The following CTBP2 variants were observed in gnomAD, a reference collection of about 807,000 sequenced individuals.
The protein encoded by CTBP2 is C-terminal binding protein 2.
In CTBP2, 30 loss-of-function variants were observed where a neutral mutation model predicts 80.3. The observed-to-expected ratio is 0.37, with a 90% CI of 0.28 to 0.51. The LOEUF is 0.51. Among genes scored for constraint, CTBP2 ranks in the 20% least tolerant of loss-of-function variants. The probability of loss-of-function intolerance (pLI) is 0.93; values close to 1 mark genes in which losing one functional copy is unlikely to be tolerated. For synonymous variants in CTBP2, 594 were observed against 587.4 expected, an observed-to-expected ratio of 1.01 and a Z score of -0.16; for missense variants, 1,212 against 1,375.3, an observed-to-expected ratio of 0.88 and a Z score of 1.88.
At chr10:125,089,381 C>A (rs958793976) in intron 2 of CTBP2, among the ~76,000 whole-genome samples, 1 of 152,036 alleles carries the variant, frequency 6.6e-6, no homozygotes, top group Non-Finnish European at 1.5e-5. Flanking sequence ...GTGAAAGAGC[C>A]GACCAAACTG....
At chr10:124,997,736 C>T (rs1953823777) in intron 4 of CTBP2, 1 of 582,570 alleles carries the variant, frequency 1.7e-6, no homozygotes, top group Non-Finnish European at 3.1e-6. Context: ...ACACTACAGA[C>T]AGCAGTGGAC....
chr10:125,084,458 G>A (rs906499424), intron 2 of CTBP2, among the ~76,000 whole-genome samples: 1 of 152,176 alleles, frequency 6.6e-6, no homozygotes, highest in African/African-American at 2.4e-5. Flanking sequence ...CCCAGGAGGG[G>A]CTGGCCTCTA....
At chr10:125,023,968 A>C (rs1348150632) in intron 1 of CTBP2, among the ~76,000 whole-genome samples, 1 of 152,148 alleles carries the variant, frequency 6.6e-6, no homozygotes, top group African/African-American at 2.4e-5. Flanking sequence ...CACCAGAACG[A>C]AGATGCGTTC....
chr10:125,114,252 C>T (rs1329969273), intron 1 of CTBP2, among the ~76,000 whole-genome samples: 1 of 152,208 alleles, frequency 6.6e-6, no homozygotes, highest in African/African-American at 2.4e-5. Context: ...TCCAAGTTCA[C>T]GTGGCTGCTT....
intron 1 of CTBP2, among the ~76,000 whole-genome samples, chr10:125,143,381 G>C (rs2133296938): frequency 6.6e-6 from 1 of 152,272 alleles, no homozygotes; most frequent in South Asian, 2.1e-4. Context: ...AGGAGGCTGA[G>C]AAAGGAGAAC....
intron 2 of CTBP2, among the ~76,000 whole-genome samples, chr10:125,073,742 G>A (rs1845865885): frequency 6.6e-6 from 1 of 152,180 alleles, no homozygotes; most frequent in African/African-American, 2.4e-5. Flanking sequence ...ATTTCTCTTA[G>A]AACATAGTGA....
intron 1 of CTBP2, among the ~76,000 whole-genome samples, chr10:125,013,042 G>T (rs866570977): frequency 6.6e-6 from 1 of 152,160 alleles, no homozygotes; most frequent in Non-Finnish European, 1.5e-5. Context: ...CAGCAGCAAA[G>T]AATGCTATGA....
chr10:125,111,016 T>C (rs922953786), exon 2 of CTBP2: 3 of 152,664 alleles, frequency 2.0e-5, no homozygotes, highest in African/African-American at 4.8e-5. Flanking sequence ...ACAAACTCTA[T>C]AGTTCACACG....
chr10:125,063,748 A>T (rs1399888747), intron 2 of CTBP2, among the ~76,000 whole-genome samples: 3 of 152,222 alleles, frequency 2.0e-5, no homozygotes, highest in Admixed American at 6.5e-5. Flanking sequence ...AGTTTTGCGA[A>T]TTCATTCATG....
chr10:125,150,927 G>A (rs1243026201), intron 1 of CTBP2, among the ~76,000 whole-genome samples: 1 of 149,302 alleles, frequency 6.7e-6, no homozygotes, highest in Admixed American at 6.7e-5. Context: ...CCAGGAAAAG[G>A]CCAGACACCT....
chr10:124,989,327 T>C lies in CTBP2; in HGVS notation c.*191A>G, dbSNP rs1952263342. ...GTCGTTAATAAATCACATCCTAGTCTTTCAGCGCTTCCGTAAGCAGACGAC... is the reference window on the plus strand; with the variant it reads ...GTCGTTAATAAATCACATCCTAGTCCTTCAGCGCTTCCGTAAGCAGACGAC... On this transcript the variant is annotated 3_prime_UTR_variant, in exon 9 of 9. Transcript: ENST00000309035. 2 of 644,842 alleles carry C rather than the reference T, an allele frequency of 3.1e-6. No homozygotes were observed. The highest frequency in any genetic ancestry group is 3.7e-5 in the South Asian group (2 of 53,976). The allele number at this position is 644,842 out of a possible 1,614,324, so 39.9% of individuals were successfully genotyped here.
chr10:125,079,049 A>C (rs922848965), intron 2 of CTBP2, among the ~76,000 whole-genome samples: 1 of 151,318 alleles, frequency 6.6e-6, no homozygotes, highest in African/African-American at 2.4e-5. Flanking sequence ...CGGGAGGCTA[A>C]GGAACGAGAA....
At chr10:125,138,408 CTG>C (rs1278369082) in intron 1 of CTBP2, among the ~76,000 whole-genome samples, 1 of 152,150 alleles carries the variant, frequency 6.6e-6, no homozygotes. Context: ...GTTCAAATGG[CTG>C]TGTTTGACTT....
rs114080561 is a variant in CTBP2, at chr10:125,059,221, T to C, written c.-101-20066A>G. ...AGGATCCTGCTGGGTTTTGTTGGCT[T>C]ATAGAGGAGAAAATCAGCGATATGA... On this transcript the variant is annotated intron_variant, in intron 2 of 10. Transcript: ENST00000337195. Among the ~76,000 whole-genome samples, 945 of 152,222 alleles carry C rather than the reference T, an allele frequency of 6.2e-3. 11 individuals are homozygous for C. The highest frequency in any genetic ancestry group is 0.022 in the African/African-American group (902 of 41,536).
At chr10:125,095,994 T>C (rs1260780104) in intron 2 of CTBP2, among the ~76,000 whole-genome samples, 1 of 152,124 alleles carries the variant, frequency 6.6e-6, no homozygotes, top group Non-Finnish European at 1.5e-5. Flanking sequence ...TAGGAAGCCC[T>C]ATGAACTGTA....
intron 1 of CTBP2, among the ~76,000 whole-genome samples, chr10:125,112,899 A>G (rs1249716633): frequency 1.3e-5 from 2 of 152,232 alleles, no homozygotes; most frequent in African/African-American, 4.8e-5. Context: ...GAACTGCTAC[A>G]CTCATGGTTT....
At chr10:125,059,759 C>T (rs956197926) in intron 2 of CTBP2, among the ~76,000 whole-genome samples, 1 of 152,154 alleles carries the variant, frequency 6.6e-6, no homozygotes, top group Non-Finnish European at 1.5e-5. Flanking sequence ...GCCCCTCTCG[C>T]CCCGCCAATT....
chr10:125,098,665 A>AGG (rs1849980716), intron 2 of CTBP2, among the ~76,000 whole-genome samples: 2 of 74,440 alleles, frequency 2.7e-5, no homozygotes, highest in Non-Finnish European at 5.4e-5. Context: ...GGGGAGAGAG[A>AGG]GAGAGAGAGA....
At chr10:125,087,297 C>T (rs919285191) in intron 2 of CTBP2, among the ~76,000 whole-genome samples, 12 of 152,012 alleles carry the variant, frequency 7.9e-5, no homozygotes, top group Admixed American at 2.6e-4. Context: ...GTCTTGAACT[C>T]CTGACCTCAG....
Sources: gnomAD v4.1 joint callset for allele counts (sites outside exome capture counted in the v4.1 genomes callset) on GRCh38, gnomAD v4.1.1 for gene constraint, MANE v1.5 for transcripts, NCBI Gene and HGNC (gene_info 2026-07-23, HGNC 2026-07-21) for gene names.